The following MTUS2 variants were observed in gnomAD, a reference collection of about 807,000 sequenced individuals.
MTUS2 encodes the protein microtubule associated scaffold protein 2, also known as microtubule-associated tumor suppressor candidate 2.
In MTUS2, 40 loss-of-function variants were observed where a neutral mutation model predicts 114.1. That is an observed-to-expected ratio of 0.35 (90% CI 0.27 to 0.46). The LOEUF (loss-of-function observed/expected upper bound fraction) is 0.46. Ranked by LOEUF, MTUS2 falls within the 20% of genes least tolerant of loss-of-function variation. The pLI is 1.00. For synonymous variants in MTUS2, 688 were observed against 672.0 expected (o/e 1.02, Z -0.37); for missense variants, 1,679 against 1,705.4 (o/e 0.98, Z 0.27).
chr13:29,052,943 C>T (rs1234089589), intron 4 of MTUS2, among the ~76,000 whole-genome samples: 2 of 152,120 alleles, frequency 1.3e-5, no homozygotes, highest in African/African-American at 4.8e-5. Context: ...TGATAAGGGG[C>T]TTCCCCCTTC....
At chr13:29,058,135 G>T (rs1027485892) in intron 4 of MTUS2, among the ~76,000 whole-genome samples, 1 of 151,698 alleles carries the variant, frequency 6.6e-6, no homozygotes, top group Non-Finnish European at 1.5e-5. Flanking sequence ...CTGGCTTATA[G>T]GGTTTCTGCT....
At chr13:29,437,513 T>C (rs1388600509) in intron 8 of MTUS2, among the ~76,000 whole-genome samples, 1 of 152,200 alleles carries the variant, frequency 6.6e-6, no homozygotes, top group East Asian at 1.9e-4. Flanking sequence ...CATCTGGTCA[T>C]ATTATACTGC....
chr13:29,017,915 A>C (rs1886133901), intron 2 of MTUS2, among the ~76,000 whole-genome samples: 1 of 152,220 alleles, frequency 6.6e-6, no homozygotes, highest in South Asian at 2.1e-4. Context: ...AATGAGTCAC[A>C]TATAACTGTA....
At chr13:29,338,571 C>G (rs910634040) in intron 7 of MTUS2, among the ~76,000 whole-genome samples, 3 of 151,360 alleles carry the variant, frequency 2.0e-5, no homozygotes, top group Non-Finnish European at 2.9e-5. Context: ...GCCTGGGCGA[C>G]AGAGCAAGAC....
At chr13:29,280,291 T>G (rs761976135) in intron 5 of MTUS2, among the ~76,000 whole-genome samples, 2 of 152,268 alleles carry the variant, frequency 1.3e-5, no homozygotes, top group Non-Finnish European at 1.5e-5. Flanking sequence ...TTATTTTCTT[T>G]GCATAGATCA....
chr13:29,345,352 T>C (rs1339279398), intron 7 of MTUS2, among the ~76,000 whole-genome samples: 4 of 152,004 alleles, frequency 2.6e-5, no homozygotes, highest in African/African-American at 9.7e-5. Flanking sequence ...TTGTTCATTT[T>C]TTAAAATTCT....
At chr13:29,265,058 A>T (rs1005319218) in intron 5 of MTUS2, among the ~76,000 whole-genome samples, 1 of 152,186 alleles carries the variant, frequency 6.6e-6, no homozygotes, top group Non-Finnish European at 1.5e-5. Context: ...TTAAATATGA[A>T]TTTCAACTTT....
chr13:29,052,350 A>G (rs1475593651), intron 4 of MTUS2, among the ~76,000 whole-genome samples: 3 of 151,452 alleles, frequency 2.0e-5, no homozygotes, highest in Non-Finnish European at 4.4e-5. Flanking sequence ...GCATGGTGGC[A>G]GGCACCTGTA....
chr13:29,321,967 T>G (rs1900272895), intron 6 of MTUS2, among the ~76,000 whole-genome samples: 2 of 152,338 alleles, frequency 1.3e-5, no homozygotes, highest in South Asian at 4.1e-4. Context: ...TCCTTTTTAA[T>G]GGCTGCATAG....
chr13:29,144,506 G>A (rs1892352314), intron 5 of MTUS2, among the ~76,000 whole-genome samples: 1 of 152,028 alleles, frequency 6.6e-6, no homozygotes, highest in South Asian at 2.1e-4. Flanking sequence ...TTGGATTACA[G>A]GAATGAGCCA....
intron 4 of MTUS2, among the ~76,000 whole-genome samples, chr13:29,045,465 G>C: frequency 6.6e-6 from 1 of 152,122 alleles, no homozygotes; most frequent in East Asian, 1.9e-4. Flanking sequence ...CATCCCATTG[G>C]GAATTAGGGC....
At chr13:28,909,212 T>C (rs1880246185) in intron 2 of MTUS2, among the ~76,000 whole-genome samples, 1 of 151,514 alleles carries the variant, frequency 6.6e-6, no homozygotes, top group Non-Finnish European at 1.5e-5. Context: ...AGTAGTTTTT[T>C]CCAATTCTGT....
At chr13:29,136,202 T>G (rs1593515815) in intron 5 of MTUS2, among the ~76,000 whole-genome samples, 1 of 152,216 alleles carries the variant, frequency 6.6e-6, no homozygotes, top group South Asian at 2.1e-4. Flanking sequence ...GTCTGTTGAT[T>G]AGGAACAAAC....
rs147492697 is a variant in MTUS2 at position 29,274,312 on chromosome 13, G to A, written c.2645-7392G>A. ...TTTTTAGTAGAGACGGGGTTTCACC[G>A]TGTTAGTCAGGATGGTCTCGATCTC... On this transcript the variant is annotated intron_variant, in intron 5 of 15. Transcript: ENST00000612955. 1.2e-3 allele frequency among the ~76,000 whole-genome samples: 175 copies of A among 152,082 alleles called. No homozygotes were observed. In the East Asian group the frequency reaches 0.015, roughly 13 times the overall value.
intron 7 of MTUS2, among the ~76,000 whole-genome samples, chr13:29,336,483 CA>C (rs1901069325): frequency 6.6e-6 from 1 of 152,176 alleles, no homozygotes; most frequent in East Asian, 1.9e-4. Flanking sequence ...TGCAGAACAG[CA>C]AAAATTGCTG....
At chr13:28,849,537 T>A (rs558111898) in intron 2 of MTUS2, among the ~76,000 whole-genome samples, 57 of 152,304 alleles carry the variant, frequency 3.7e-4, no homozygotes, top group African/African-American at 1.3e-3. Context: ...TTAGAGGAAC[T>A]AGAAACTGAG....
At chr13:29,147,319 C>T (rs147194306) in intron 5 of MTUS2, among the ~76,000 whole-genome samples, 12 of 152,286 alleles carry the variant, frequency 7.9e-5, no homozygotes, top group African/African-American at 2.9e-4. Flanking sequence ...TTTTAGCAGT[C>T]ATAAGTATCT....
At chr13:29,501,320 C>T in intron 15 of MTUS2, 126 bp downstream of exon 15, 1 of 717,656 alleles carries the variant, frequency 1.4e-6, no homozygotes, top group Non-Finnish European at 2.4e-6. Context: ...TTCCCCAAGA[C>T]CTGAAGAACA....
chr13:29,499,951 G>T (rs898847842), intron 14 of MTUS2, among the ~76,000 whole-genome samples: 1 of 152,240 alleles, frequency 6.6e-6, no homozygotes, highest in Non-Finnish European at 1.5e-5. Context: ...CCCAGCTCAG[G>T]CCAGGCCTAG....
Sources: gnomAD v4.1 joint callset for allele counts (sites outside exome capture counted in the v4.1 genomes callset) on GRCh38, gnomAD v4.1.1 for gene constraint, MANE v1.5 for transcripts, NCBI Gene and HGNC (gene_info 2026-07-23, HGNC 2026-07-21) for gene names.